PLXNA4: variants seen among roughly 807,000 people sequenced by gnomAD.
PLXNA4 encodes the protein plexin-A4.
Under a neutral mutation model 191.8 loss-of-function variants are expected in PLXNA4, and 44 were observed. The ratio of observed to expected loss-of-function variants is 0.23; its 90% CI spans 0.18 to 0.29. The LOEUF (loss-of-function observed/expected upper bound fraction) is 0.29, where lower values mean the gene tolerates loss of function less well. Ranked by LOEUF, PLXNA4 falls within the 10% of genes least tolerant of loss-of-function variation. PLXNA4 has a pLI of 1.00. For missense variants in PLXNA4, 1,800 were observed against 2,488.8 expected (o/e 0.72, Z 5.89); for synonymous variants, 1,082 against 1,009.5 (o/e 1.07, Z -1.36).
At chr7:132,282,456 C>T (rs1213398151) in intron 4 of PLXNA4, among the ~76,000 whole-genome samples, 2 of 151,630 alleles carry the variant, frequency 1.3e-5, no homozygotes, top group African/African-American at 2.4e-5. Context: ...TGAGACTACC[C>T]TGCATGCCCT....
chr7:132,465,161 G>T (rs1796652129), intron 3 of PLXNA4, among the ~76,000 whole-genome samples: 2 of 151,984 alleles, frequency 1.3e-5, no homozygotes, highest in African/African-American at 2.4e-5. Flanking sequence ...CCATAGATAG[G>T]GTGATTTCAC....
chr7:132,512,777 C>A (rs1459618901), intron 1 of PLXNA4, among the ~76,000 whole-genome samples: 3 of 152,148 alleles, frequency 2.0e-5, no homozygotes, highest in Non-Finnish European at 4.4e-5. Context: ...GGGGGGTTTC[C>A]CTTCCAGGAT....
At chr7:132,305,361 A>AAC (rs57158164) in intron 3 of PLXNA4, among the ~76,000 whole-genome samples, 21,103 of 130,910 alleles carry the variant, frequency 0.16, 1,739 homozygotes, top group Middle Eastern at 0.2. Context: ...GCTTACCAAG[A>AAC]ACACACACAC....
chr7:132,153,187 C>T (rs1216590388), intron 25 of PLXNA4, among the ~76,000 whole-genome samples: 1 of 152,042 alleles, frequency 6.6e-6, no homozygotes, highest in Non-Finnish European at 1.5e-5. Context: ...CACTGGCTGG[C>T]CAGGGGGACA....
At chr7:132,584,349 A>G (rs1425528524) in intron 2 of PLXNA4, among the ~76,000 whole-genome samples, 1 of 152,192 alleles carries the variant, frequency 6.6e-6, no homozygotes, top group African/African-American at 2.4e-5. Flanking sequence ...TGCTAGGTAA[A>G]CTGAGCCAAG....
chr7:132,202,570 G>C, intron 12 of PLXNA4, 76 bp downstream of exon 12: 1 of 1,355,592 alleles, frequency 7.4e-7, no homozygotes, highest in Non-Finnish European at 9.6e-7. Context: ...ACCACGGCTG[G>C]GCAGAGTTTC....
In PLXNA4 at chr7:132,151,561, AAGG is replaced by A. The variant is rs1227734014; in HGVS notation, c.4661-2918_4661-2916del. 7.9e-4 allele frequency among the ~76,000 whole-genome samples: 46 copies of A among 58,036 alleles called. 4 individuals carry two copies. Among genetic ancestry groups the A allele is most frequent in the East Asian group, 1.1e-3 (2 of 1,752 alleles). 38.1% of individuals were successfully genotyped at this position (58,036 alleles called of 152,430 possible). A position where few individuals can be genotyped will look rare whatever the true frequency, so the allele number is the denominator to read the frequency against. On this transcript the variant is annotated intron_variant, in intron 25 of 31. Transcript: ENST00000321063. ...AGGAGGAGAAAGGAGGAGGAGGAGA[AAGG>A]AGGAGGAGGAGAAAGGAGGAGGAGA...
intron 3 of PLXNA4, among the ~76,000 whole-genome samples, chr7:132,401,399 G>T (rs955829505): frequency 2.6e-5 from 4 of 152,196 alleles, no homozygotes; most frequent in Non-Finnish European, 4.4e-5. Flanking sequence ...AAGCTCCCTA[G>T]GTGGTTCTAA....
chr7:132,633,495 A>T (rs1229961370), intron 2 of PLXNA4, among the ~76,000 whole-genome samples: 2 of 151,980 alleles, frequency 1.3e-5, no homozygotes, highest in Admixed American at 1.3e-4. Context: ...ATTGGCAAGG[A>T]TGGTCTTGAT....
At chr7:132,410,399 G>C (rs1794406356) in intron 3 of PLXNA4, among the ~76,000 whole-genome samples, 1 of 152,200 alleles carries the variant, frequency 6.6e-6, no homozygotes, top group South Asian at 2.1e-4. Flanking sequence ...ATGAGGAGAA[G>C]GAAGCACAGA....
At chr7:132,364,032 G>C (rs558308966) in intron 3 of PLXNA4, among the ~76,000 whole-genome samples, 4 of 152,328 alleles carry the variant, frequency 2.6e-5, no homozygotes, top group Admixed American at 2.6e-4. Context: ...GTCTGGTGTG[G>C]TCCCTGGGCC....
At chr7:132,195,493 G>A (rs4570099) in intron 13 of PLXNA4, among the ~76,000 whole-genome samples, 90,690 of 152,092 alleles carry the variant, frequency 0.6, 27,464 homozygotes, top group South Asian at 0.83. Flanking sequence ...CTGTTGGGTC[G>A]GTTTGTGTAT....
In PLXNA4 at chr7:132,508,307, G is replaced by A. The variant is rs1293212283; in HGVS notation, c.387C>T (p.Ala129=). 2 of 1,614,202 alleles carry A rather than the reference G, an allele frequency of 1.2e-6. No homozygotes were observed. The highest frequency in any genetic ancestry group is 1.3e-5 in the African/African-American group (1 of 75,052). The change falls in exon 2 of 32, where the codon GCC becomes GCT. Residue 129 remains alanine, a synonymous_variant. Transcript: ENST00000321063. This position sits in a 1 kb window ranked among gnomAD's most constrained non-coding sequence, Gnocchi z 4.4. ...LIDYKENRLI[A]CGSLYQGICK... is the part of the protein sequence containing the mutation. ...AGATGCCTTGGTACAGGCTCCCACA[G>A]GCAATCAGCCTGTTCTCCTTGTAGT...
intron 14 of PLXNA4, among the ~76,000 whole-genome samples, chr7:132,191,818 CTATA>C (rs568486212): frequency 7.5e-6 from 1 of 133,662 alleles, no homozygotes; most frequent in African/African-American, 2.9e-5. Context: ...ATATCATATA[CTATA>C]TATATATATA....
rs376877891 is a variant in PLXNA4, at chr7:132,621,363, C to T, written c.-87+24565G>A. Among the ~76,000 whole-genome samples the T allele has an allele frequency of 1.9e-4, 28 of 150,776 alleles. 1 individual carries two copies. In the East Asian group the frequency reaches 2.1e-3, roughly 12 times the overall value. ...GCAACCTCCGCCTCCTTGGTTCAAGCGATTCTCCTGCCTCAGCCTCCCAAG... is the reference window on the plus strand; with the variant it reads ...GCAACCTCCGCCTCCTTGGTTCAAGTGATTCTCCTGCCTCAGCCTCCCAAG... On this transcript the variant is annotated intron_variant, in intron 2 of 4. Transcript: ENST00000378539.
intron 30 of PLXNA4, among the ~76,000 whole-genome samples, chr7:132,136,001 C>T (rs548688920): frequency 6.6e-6 from 1 of 152,252 alleles, no homozygotes; most frequent in East Asian, 1.9e-4. Context: ...GGGTGTGGGG[C>T]TTAAGTCTTG....
intron 3 of PLXNA4, among the ~76,000 whole-genome samples, chr7:132,302,409 C>A (rs978077962): frequency 9.9e-5 from 15 of 152,016 alleles, no homozygotes; most frequent in Admixed American, 5.9e-4. Flanking sequence ...CAGTGCAATC[C>A]CCAATACATG....
chr7:132,462,564 G>A (rs1490173795), intron 3 of PLXNA4, among the ~76,000 whole-genome samples: 2 of 151,824 alleles, frequency 1.3e-5, no homozygotes, highest in South Asian at 2.1e-4. Flanking sequence ...AGAGAAAAAG[G>A]CATAGGGATA....
upstream of PLXNA4, among the ~76,000 whole-genome samples, chr7:132,577,460 CCT>C (rs1802302746): frequency 6.6e-6 from 1 of 151,626 alleles, no homozygotes; most frequent in Non-Finnish European, 1.5e-5. Context: ...GCCGCCGCTC[CCT>C]CTCTGGCTCG....
Sources: gnomAD v4.1 joint callset for allele counts (sites outside exome capture counted in the v4.1 genomes callset) on GRCh38, gnomAD v4.1.1 for gene constraint, Gnocchi (gnomAD v3.1) non-coding constraint, MANE v1.5 for transcripts, NCBI Gene and HGNC (gene_info 2026-07-23, HGNC 2026-07-21) for gene names.